The following EMC3 variants were observed in gnomAD, a reference collection of about 807,000 sequenced individuals.
EMC3 encodes 30 kDa protein.
Under a neutral mutation model 36.6 loss-of-function variants are expected in EMC3, and 13 were observed. The observed-to-expected ratio is 0.35, with a 90% CI of 0.23 to 0.56. The LOEUF is 0.56. Among genes scored for constraint, EMC3 ranks in the 20% least tolerant of loss-of-function variants. EMC3 has a pLI of 0.84. For synonymous variants in EMC3, 120 were observed against 111.9 expected, an observed-to-expected ratio of 1.07 and a Z score of -0.46; for missense variants, 220 against 324.5, an observed-to-expected ratio of 0.68 and a Z score of 2.47.
chr3:9,967,306 C>G (rs1264847680), intron 7 of EMC3, among the ~76,000 whole-genome samples: 1 of 141,274 alleles, frequency 7.1e-6, no homozygotes, highest in Non-Finnish European at 1.5e-5. Context: ...CATGCACCAC[C>G]ACATTTGGCT....
chr3:9,969,201 C>G (rs546804577), intron 7 of EMC3: 1 of 319,302 alleles, frequency 3.1e-6, no homozygotes, highest in South Asian at 5.8e-5. Flanking sequence ...CTCAGGTGAT[C>G]TGCCCACCTT....
intron 1 of EMC3, chr3:9,981,589 TTTTA>T (rs940061121): frequency 8.8e-4 from 208 of 236,480 alleles, no homozygotes; most frequent in South Asian, 1.8e-3. Flanking sequence ...GAAGGACATC[TTTTA>T]TTTATTTATT....
At chr3:9,977,513 A>C (rs2085862618) in intron 1 of EMC3, 67 bp from the exon 2 acceptor site, 6 of 1,436,878 alleles carry the variant, frequency 4.2e-6, no homozygotes, top group Middle Eastern at 4.0e-4. Context: ...GGGAGAGTCA[A>C]GTAGAAGACC....
At chr3:9,994,601 G>A (rs968473851) in intron 1 of EMC3, among the ~76,000 whole-genome samples, 27 of 143,978 alleles carry the variant, frequency 1.9e-4, no homozygotes, top group African/African-American at 6.7e-4. Context: ...ACAGAGTTTC[G>A]TTCTTGTTGC....
intron 1 of EMC3, chr3:10,006,427 A>T (rs1254959868): frequency 6.6e-6 from 1 of 152,268 alleles, no homozygotes; most frequent in African/African-American, 2.4e-5. Flanking sequence ...TGCATTTTAC[A>T]TTTCTTCTGT....
At chr3:9,996,433 AG>A (rs1399754942) in intron 1 of EMC3, among the ~76,000 whole-genome samples, 1 of 152,180 alleles carries the variant, frequency 6.6e-6, no homozygotes, top group Non-Finnish European at 1.5e-5. Flanking sequence ...CAACAGAGTG[AG>A]ACTCTATCTC....
intron 1 of EMC3, among the ~76,000 whole-genome samples, chr3:10,001,860 G>A (rs576451416): frequency 1.4e-4 from 22 of 151,982 alleles, no homozygotes; most frequent in Admixed American, 2.6e-4. Context: ...TTAGCCAGGC[G>A]TGGTGGCGGG....
At chr3:9,975,995 A>G (rs1320480154) in intron 3 of EMC3, among the ~76,000 whole-genome samples, 1 of 152,218 alleles carries the variant, frequency 6.6e-6, no homozygotes, top group African/African-American at 2.4e-5. Flanking sequence ...TAATTATAAT[A>G]CCTTCCGTAT....
chr3:9,990,325 C>CTTT (rs4020037), upstream of EMC3, among the ~76,000 whole-genome samples: 695 of 88,670 alleles, frequency 7.8e-3, 41 homozygotes, highest in African/African-American at 0.029. Context: ...GGGCCTTTCT[C>CTTT]TTTTTTTTTT....
At chr3:9,984,707 A>C (rs927605736) in intron 1 of EMC3, among the ~76,000 whole-genome samples, 27 of 152,118 alleles carry the variant, frequency 1.8e-4, no homozygotes, top group African/African-American at 6.3e-4. Flanking sequence ...CTGACTTCTT[A>C]AGGTTCGCTC....
intron 1 of EMC3, among the ~76,000 whole-genome samples, chr3:9,986,189 G>A (rs1370235439): frequency 6.6e-6 from 1 of 152,170 alleles, no homozygotes; most frequent in Non-Finnish European, 1.5e-5. Flanking sequence ...GGATGGAATA[G>A]TTCATAGGTA....
chr3:10,006,768 A>G (rs2086267485), intron 1 of EMC3: 1 of 365,084 alleles, frequency 2.7e-6, no homozygotes, highest in East Asian at 8.7e-5. Context: ...TTTGCAAAAC[A>G]CCTGAGAGAG....
intron 5 of EMC3, among the ~76,000 whole-genome samples, chr3:9,970,899 G>A (rs1326548516): frequency 6.6e-6 from 1 of 151,132 alleles, no homozygotes; most frequent in East Asian, 1.9e-4. Context: ...TTCCCTAGAG[G>A]AAATCACAAG....
intron 7 of EMC3, among the ~76,000 whole-genome samples, chr3:9,966,479 C>G (rs2085737660): frequency 6.6e-6 from 1 of 152,084 alleles, no homozygotes. Context: ...CCTCAGCCTC[C>G]CAAAGTGCTG....
At chr3:9,969,988 G>C (rs1015082542) in intron 6 of EMC3, among the ~76,000 whole-genome samples, 187 bp from the exon 7 acceptor site, 11 of 152,168 alleles carry the variant, frequency 7.2e-5, no homozygotes, top group African/African-American at 2.7e-4. Flanking sequence ...GACAGTAACA[G>C]CAAAAGAGAG....
At chr3:10,002,977 G>A (rs1032155482) in intron 1 of EMC3, 1 of 452,174 alleles carries the variant, frequency 2.2e-6, no homozygotes, top group South Asian at 1.6e-5. Context: ...GTATCAGCCT[G>A]TGGCCTTCTT....
upstream of EMC3, among the ~76,000 whole-genome samples, chr3:9,991,397 T>G (rs182398758): frequency 7.2e-5 from 11 of 152,338 alleles, 1 homozygote; most frequent in East Asian, 9.6e-4. Flanking sequence ...CCTTCCAAAT[T>G]TTTTCTCTTC....
chr3:9,965,427 TAGA>T (rs1559348457), intron 7 of EMC3, among the ~76,000 whole-genome samples: 1 of 150,630 alleles, frequency 6.6e-6, no homozygotes, highest in Non-Finnish European at 1.5e-5. Context: ...GATAGATAGA[TAGA>T]TAGATAGATA....
chr3:9,968,840 C>A (rs1482815895), intron 7 of EMC3: 1 of 136,622 alleles, frequency 7.3e-6, no homozygotes, highest in African/African-American at 3.0e-5. Context: ...TTTTTTGAGA[C>A]AGAGTTTTGC....
Sources: gnomAD v4.1 joint callset for allele counts (sites outside exome capture counted in the v4.1 genomes callset) on GRCh38, gnomAD v4.1.1 for gene constraint, MANE v1.5 for transcripts, NCBI Gene and HGNC (gene_info 2026-07-23, HGNC 2026-07-21) for gene names.